The following TEKT5 variants were observed in gnomAD, a reference collection of about 807,000 sequenced individuals.
The protein encoded by TEKT5 is tektin 5.
TEKT5 carries 52 observed loss-of-function variants against 48.7 expected under a neutral mutation model. That is an observed-to-expected ratio of 1.07 (90% CI 0.86 to 1.35). TEKT5 has a LOEUF of 1.35. TEKT5 is among the 40% of genes most tolerant of loss of function. TEKT5 has a pLI of 0.00. For missense variants in TEKT5, 831 were observed against 641.6 expected, an observed-to-expected ratio of 1.30 and a Z score of -3.19; for synonymous variants, 318 against 267.6, an observed-to-expected ratio of 1.19 and a Z score of -1.84.
intron 5 of TEKT5, among the ~76,000 whole-genome samples, chr16:10,658,065 CCT>C (rs896080945): frequency 2.9e-4 from 44 of 152,194 alleles, no homozygotes; most frequent in East Asian, 9.6e-4. Context: ...CTTTGTATCC[CCT>C]GTCTTTGAAT....
intron 5 of TEKT5, among the ~76,000 whole-genome samples, chr16:10,658,674 C>T (rs1174387500): frequency 6.6e-6 from 1 of 152,002 alleles, no homozygotes; most frequent in Non-Finnish European, 1.5e-5. Context: ...GTTTCCCAAC[C>T]TCATCACCTA....
intron 5 of TEKT5, among the ~76,000 whole-genome samples, chr16:10,657,832 C>T (rs977235540): frequency 9.3e-5 from 14 of 151,264 alleles, no homozygotes; most frequent in South Asian, 2.1e-4. Context: ...GATCTCCTGA[C>T]CTCGTGATCC....
intron 5 of TEKT5, among the ~76,000 whole-genome samples, chr16:10,638,012 A>G (rs1897940517): frequency 6.6e-6 from 1 of 152,068 alleles, no homozygotes; most frequent in Non-Finnish European, 1.5e-5. Context: ...GGGGCTTGCT[A>G]TGTTGCTCAG....
chr16:10,677,387 A>G (rs890982044), intron 4 of TEKT5, among the ~76,000 whole-genome samples: 3 of 147,268 alleles, frequency 2.0e-5, no homozygotes, highest in Non-Finnish European at 2.9e-5. Context: ...AGGCGGGCGG[A>G]TCACTTGAGG....
At chr16:10,683,696 T>C (rs1249450664) in intron 3 of TEKT5, among the ~76,000 whole-genome samples, 1 of 152,120 alleles carries the variant, frequency 6.6e-6, no homozygotes, top group Non-Finnish European at 1.5e-5. Context: ...GTTCAAGGGG[T>C]TCTCCTACCT....
rs189265602 is a variant in TEKT5, at chr16:10,694,404, T to A, written c.470A>T (p.Tyr157Phe). The A allele has an allele frequency of 6.2e-7, 1 of 1,614,162 alleles. No individual in the cohort carries two copies. Among genetic ancestry groups the A allele is most frequent in the Non-Finnish European group, 8.5e-7 (1 of 1,180,032 alleles). Residue 157 changes from tyrosine to phenylalanine, a missense_variant, in exon 1 of 7, where the codon TAT becomes TTT. Transcript: ENST00000283025. The part of the protein sequence containing the change: ...DIGFWKSELS[Y>F]ELDRLLTENQ... ...CTCAGTCAGAAGCCTGTCCAGCTCA[T>A]AGCTCAGCTCTGACTTCCAGAAGCC...
chr16:10,683,779 G>T (rs916480978), intron 3 of TEKT5, among the ~76,000 whole-genome samples: 3 of 152,170 alleles, frequency 2.0e-5, no homozygotes, highest in Admixed American at 1.3e-4. Context: ...TTTTAGTAGA[G>T]ATGGGGTTTC....
rs138237208 is a variant in TEKT5, at chr16:10,694,612, G to C, written c.262C>G (p.Arg88Gly). 7 of 1,611,106 alleles carry C rather than the reference G, an allele frequency of 4.3e-6. No homozygotes were observed. Among genetic ancestry groups the C allele is most frequent in the Middle Eastern group, 1.6e-4 (1 of 6,066 alleles). ...LPTLRSALFS[R>G]YSPHDWDQSN... is the part of the protein sequence containing the mutation. The stretch of plus-strand genomic sequence containing the variant: ...TGGTCCCAGTCGTGGGGGCTATAGC[G>C]AGAGAAGAGTGCGGAGCGCAGTGTG... The change falls in exon 1 of 7, where the codon CGC (arginine) becomes GGC (glycine). Residue 88 changes from arginine (R) to glycine (G), a missense_variant. Coordinates refer to ENST00000283025, the MANE Select transcript of TEKT5 (RefSeq NM_144674.2).
chr16:10,693,302 C>T (rs1173570576), intron 1 of TEKT5, among the ~76,000 whole-genome samples: 1 of 152,162 alleles, frequency 6.6e-6, no homozygotes, highest in East Asian at 1.9e-4. Context: ...ATCATGTTGA[C>T]CAGGCTGGTC....
At chr16:10,645,385 A>C (rs534507201) in intron 5 of TEKT5, among the ~76,000 whole-genome samples, 1 of 151,772 alleles carries the variant, frequency 6.6e-6, no homozygotes, top group South Asian at 2.1e-4. Context: ...GGTGGTTTGC[A>C]CCTGTGGTCC....
intron 5 of TEKT5, among the ~76,000 whole-genome samples, chr16:10,654,924 T>TCCCCCCCCCCCCCCCCCC (rs375024938): frequency 4.4e-5 from 2 of 44,982 alleles, no homozygotes; most frequent in African/African-American, 9.1e-5. Context: ...CTGTCCTGTC[T>TCCCCCCCCCCCCCCCCCC]CCCCCCCCTC....
At chr16:10,657,259 G>T (rs1476150859) in intron 5 of TEKT5, among the ~76,000 whole-genome samples, 1 of 151,910 alleles carries the variant, frequency 6.6e-6, no homozygotes, top group Middle Eastern at 3.2e-3. Flanking sequence ...CTGAGTAGCT[G>T]GGATTACAGG....
At chr16:10,631,705 G>A (rs1163133048) in intron 6 of TEKT5, among the ~76,000 whole-genome samples, 2 of 152,238 alleles carry the variant, frequency 1.3e-5, no homozygotes, top group South Asian at 2.1e-4. Flanking sequence ...GAGACATGCA[G>A]GAGAGAAGGC....
intron 5 of TEKT5, among the ~76,000 whole-genome samples, chr16:10,651,313 C>CA (rs1005616775): frequency 2.0e-5 from 3 of 152,188 alleles, no homozygotes; most frequent in African/African-American, 7.2e-5. Context: ...CCAGCACCCC[C>CA]AATCGCCTGC....
At chr16:10,659,913 G>C (rs1319363952) in intron 5 of TEKT5, among the ~76,000 whole-genome samples, 1 of 152,168 alleles carries the variant, frequency 6.6e-6, no homozygotes, top group Non-Finnish European at 1.5e-5. Context: ...TTAAATGGCA[G>C]TGAATTGTTC....
In TEKT5 at chr16:10,682,081, C is replaced by G; in HGVS notation, c.775G>C (p.Ala259Pro). 1.9e-6 allele frequency: 3 copies of G among 1,614,180 alleles called. No individual in the cohort carries two copies. The highest frequency in any genetic ancestry group is 2.5e-6 in the Non-Finnish European group (3 of 1,180,042). The change falls in exon 4 of 7, where the codon GCC (alanine) becomes CCC (proline). Residue 259 changes from alanine (A) to proline (P), a missense_variant. Transcript: ENST00000283025. Reference sequence around the variant, plus strand: ...AAGCACTTCTCATCGATACACTGGGCCGAGCTTTTGTCTTCGAGGTCCCTC... The same window carrying G: ...AAGCACTTCTCATCGATACACTGGGGCGAGCTTTTGTCTTCGAGGTCCCTC... ...LERDLEDKSS[A>P]QCIDEKCFNL...
chr16:10,679,897 C>CAAAT (rs56032112), intron 4 of TEKT5, among the ~76,000 whole-genome samples: 90 of 150,424 alleles, frequency 6.0e-4, no homozygotes, highest in Non-Finnish European at 7.8e-4. Context: ...AACTCGGTCT[C>CAAAT]AAATAAATAA....
intron 5 of TEKT5, among the ~76,000 whole-genome samples, chr16:10,666,978 C>CTTTTTTTT (rs201657619): frequency 1.0e-4 from 13 of 124,674 alleles, no homozygotes; most frequent in South Asian, 2.7e-4. Context: ...TGGCTCCTTA[C>CTTTTTTTT]TTTTTTTTTT....
intron 1 of TEKT5, among the ~76,000 whole-genome samples, chr16:10,693,925 G>A (rs544310860): frequency 2.6e-5 from 4 of 152,302 alleles, no homozygotes; most frequent in South Asian, 4.1e-4. Context: ...AGCCAAGATC[G>A]AGCCACTGCA....
Sources: gnomAD v4.1 joint callset for allele counts (sites outside exome capture counted in the v4.1 genomes callset) on GRCh38, gnomAD v4.1.1 for gene constraint, MANE v1.5 for transcripts, NCBI Gene and HGNC (gene_info 2026-07-23, HGNC 2026-07-21) for gene names.